LCOR: variants seen among roughly 807,000 people sequenced by gnomAD.
LCOR encodes the protein ligand dependent nuclear receptor corepressor, also known as ligand-dependent corepressor.
Under a neutral mutation model 64.4 loss-of-function variants are expected in LCOR, and 14 were observed. The observed-to-expected ratio is 0.22, with a 90% CI of 0.14 to 0.34. The LOEUF is 0.34. Among genes scored for constraint, LCOR ranks in the 10% least tolerant of loss-of-function variants. LCOR has a pLI of 1.00. For synonymous variants in LCOR, 643 were observed against 642.5 expected (o/e 1.00, Z -0.01); for missense variants, 1,686 against 1,765.3 (o/e 0.96, Z 0.80).
At chr10:96,954,911 T>C (rs377127803) in intron 7 of LCOR, 3 of 1,563,272 alleles carry the variant, frequency 1.9e-6, no homozygotes, top group African/African-American at 1.4e-5. Flanking sequence ...CCTCCCTACC[T>C]GTGCAAGTCC....
At chr10:96,979,502 A>G (rs1848064524) in intron 7 of LCOR, among the ~76,000 whole-genome samples, 1 of 152,212 alleles carries the variant, frequency 6.6e-6, no homozygotes, top group Non-Finnish European at 1.5e-5. Flanking sequence ...GCTAAGCTCT[A>G]AGGATTTGTC....
At chr10:96,924,838 C>CT (rs1284552119) in intron 4 of LCOR, among the ~76,000 whole-genome samples, 1 of 152,122 alleles carries the variant, frequency 6.6e-6, no homozygotes, top group Non-Finnish European at 1.5e-5. Flanking sequence ...TACTGAACCA[C>CT]ACTATATAGT....
chr10:96,978,415 T>C (rs1848055596), intron 7 of LCOR, among the ~76,000 whole-genome samples: 2 of 152,258 alleles, frequency 1.3e-5, no homozygotes, highest in Admixed American at 1.3e-4. Context: ...AATAGGTTTT[T>C]TCTAGCTGCT....
At chr10:96,866,931 A>G (rs1005266310) in intron 2 of LCOR, among the ~76,000 whole-genome samples, 1 of 152,120 alleles carries the variant, frequency 6.6e-6, no homozygotes, top group African/African-American at 2.4e-5. Context: ...CCAACAATGT[A>G]TGAGAGATTG....
chr10:96,939,774 C>T (rs1028710852), intron 4 of LCOR, among the ~76,000 whole-genome samples: 15 of 152,152 alleles, frequency 9.9e-5, no homozygotes, highest in African/African-American at 3.6e-4. Flanking sequence ...CCATCCTGGC[C>T]AACACGGTGA....
intron 4 of LCOR, among the ~76,000 whole-genome samples, chr10:96,911,952 G>A (rs912994139): frequency 2.7e-5 from 4 of 150,536 alleles, no homozygotes; most frequent in African/African-American, 7.3e-5. Flanking sequence ...TTTTTTTTGT[G>A]AGATGGAGTC....
Position 96,984,048 on chromosome 10 carries a change from A to C in LCOR, c.3588A>C (p.Leu1196=). ...WFLETTETRS[L]VIVKKLNTRL... is the part of the protein sequence containing the mutation. ...TAGAGACAACTGAAACCCGGTCTCT[A>C]GTCATTGTGAAGAAGCTCAATACTC... The change falls in exon 8 of 8, where the codon CTA becomes CTC. Residue 1196 remains leucine, a synonymous_variant. Coordinates refer to ENST00000421806, the MANE Select transcript of LCOR (RefSeq NM_001346516.2). The C allele has an allele frequency of 6.2e-7, 1 of 1,614,024 alleles. No individual in the cohort carries two copies.
intron 4 of LCOR, among the ~76,000 whole-genome samples, chr10:96,931,097 T>C (rs999504496): frequency 6.6e-6 from 1 of 152,124 alleles, no homozygotes; most frequent in African/African-American, 2.4e-5. Context: ...TTTACTATTA[T>C]TACAAATTAT....
intron 2 of LCOR, among the ~76,000 whole-genome samples, chr10:96,853,526 T>A (rs1387649617): frequency 6.6e-6 from 1 of 152,188 alleles, no homozygotes; most frequent in Non-Finnish European, 1.5e-5. Context: ...GTTCAGCTAA[T>A]CTGGTCTAGG....
intron 2 of LCOR, among the ~76,000 whole-genome samples, chr10:96,887,759 C>T (rs1846368796): frequency 6.6e-6 from 1 of 151,112 alleles, no homozygotes; most frequent in Non-Finnish European, 1.5e-5. Context: ...CAGCTCACTG[C>T]AACCTCTGCC....
intron 4 of LCOR, among the ~76,000 whole-genome samples, chr10:96,919,815 GTA>G (rs1213489938): frequency 1.3e-5 from 2 of 152,086 alleles, no homozygotes; most frequent in Admixed American, 1.3e-4. Flanking sequence ...CTATATTGTT[GTA>G]TGTGTCAGAA....
chr10:96,878,940 G>T (rs545224127), intron 2 of LCOR, among the ~76,000 whole-genome samples: 2 of 151,942 alleles, frequency 1.3e-5, no homozygotes, highest in Non-Finnish European at 2.9e-5. Flanking sequence ...GGGACTACAG[G>T]CTCACACCAC....
intron 4 of LCOR, among the ~76,000 whole-genome samples, chr10:96,939,418 T>C (rs1289092418): frequency 6.6e-6 from 1 of 152,184 alleles, no homozygotes; most frequent in Non-Finnish European, 1.5e-5. Context: ...AAGCATAGGG[T>C]TAAATCTTCA....
At chr10:96,957,570 A>G in intron 7 of LCOR, 1 of 985,312 alleles carries the variant, frequency 1.0e-6, no homozygotes, top group South Asian at 4.7e-5. Flanking sequence ...ACATTATTGG[A>G]GTTTCAGTGT....
At position 96,993,742 on chromosome 10, in the gene LCOR, T is replaced by TTATATTATATATA. The variant is rs1184439171; in HGVS notation, c.*8627_*8639dup. On this transcript the variant is annotated 3_prime_UTR_variant, in exon 8 of 8. Transcript: ENST00000421806. ...TGCCCCCTCTTCTCATCTGGTTATG[T>TTATATTATATATA]TATATTATATATATATATTATATAT... 5.4e-5 allele frequency: 8 copies of TTATATTATATATA among 147,506 alleles called. No individual in the cohort carries two copies. The highest frequency in any genetic ancestry group is 1.8e-4 in the African/African-American group (7 of 39,818). The allele number at this position is 147,506 out of a possible 1,614,324, so 9.1% of individuals were successfully genotyped here. A position where few individuals can be genotyped will look rare whatever the true frequency, so the allele number is the denominator to read the frequency against.
chr10:96,957,156 G>A (rs1342088448), intron 7 of LCOR: 1 of 984,774 alleles, frequency 1.0e-6, no homozygotes, highest in African/African-American at 1.7e-5. Context: ...GGGGGAGGGA[G>A]AGGTGTTGGG....
chr10:96,955,952 A>T (rs1158275022), intron 7 of LCOR: 10 of 1,589,900 alleles, frequency 6.3e-6, no homozygotes, highest in Non-Finnish European at 8.6e-6. Context: ...TTACTGTACA[A>T]ACTGGGTGAG....
chr10:96,943,770 C>T (rs573330356), intron 4 of LCOR, among the ~76,000 whole-genome samples: 1 of 149,848 alleles, frequency 6.7e-6, no homozygotes, highest in Non-Finnish European at 1.5e-5. Flanking sequence ...AAAAAGCCTT[C>T]TGTCTGAATT....
At chr10:96,868,010 G>A (rs1375729613) in intron 2 of LCOR, among the ~76,000 whole-genome samples, 3 of 151,714 alleles carry the variant, frequency 2.0e-5, no homozygotes, top group African/African-American at 7.3e-5. Context: ...TCAGCCTCCC[G>A]AGTAGCTGGG....
Sources: gnomAD v4.1 joint callset for allele counts (sites outside exome capture counted in the v4.1 genomes callset) on GRCh38, gnomAD v4.1.1 for gene constraint, MANE v1.5 for transcripts, NCBI Gene and HGNC (gene_info 2026-07-23, HGNC 2026-07-21) for gene names.